The following MYO7A variants were observed in gnomAD, a reference collection of about 807,000 sequenced individuals.
MYO7A encodes the protein unconventional myosin-VIIa.
Under a neutral mutation model 263.8 loss-of-function variants are expected in MYO7A, and 210 were observed. The ratio of observed to expected loss-of-function variants is 0.80; its 90% CI spans 0.71 to 0.89. The LOEUF (loss-of-function observed/expected upper bound fraction) is 0.89, where lower values mean the gene tolerates loss of function less well. Among genes scored for constraint, MYO7A ranks in the 40% least tolerant of loss-of-function variants. MYO7A has a pLI of 0.00. For missense variants in MYO7A, 2,820 were observed against 2,968.3 expected (o/e 0.95, Z 1.16); for synonymous variants, 1,239 against 1,197.3 (o/e 1.03, Z -0.72).
Position 77,160,959 on chromosome 11 carries a change from T to G in MYO7A, c.1201-14T>G. The G allele has an allele frequency of 6.3e-7, 1 of 1,586,936 alleles. No individual in the cohort carries two copies. Among genetic ancestry groups the G allele is most frequent in the Non-Finnish European group, 8.6e-7 (1 of 1,168,006 alleles). ...GGGTGTGGCTGGTGCCAGTGGCTGA[T>G]CACTGCCTTTCAGGGGATCTACGGG... On this transcript the variant is annotated splice_polypyrimidine_tract_variant and intron_variant, in intron 11 of 48. Coordinates refer to ENST00000409709, the MANE Select transcript of MYO7A (RefSeq NM_000260.4).
Position 77,207,299 on chromosome 11 carries a change from T to C in MYO7A, c.5753T>C (p.Val1918Ala). ...FPDDTDEAFE[V>A]ESSTKAKDFC... is the part of the protein sequence containing the mutation. The stretch of plus-strand genomic sequence containing the variant: ...CACTGCCCCTCCCAGGCCTTCGAAG[T>C]GGAGTCCAGCACCAAGGCCAAGGAC... Residue 1918 changes from valine (V) to alanine (A), a missense_variant, in exon 42 of 49, where the codon GTG becomes GCG. By Grantham distance (64) the Val-to-Ala change is moderately conservative. Transcript: ENST00000409709. The C allele has an allele frequency of 6.2e-7, 1 of 1,610,686 alleles. No individual in the cohort carries two copies. Among genetic ancestry groups the C allele is most frequent in the Non-Finnish European group, 8.5e-7 (1 of 1,178,440 alleles).
intron 31 of MYO7A, among the ~76,000 whole-genome samples, chr11:77,193,547 A>AG (rs1424042719): frequency 6.6e-6 from 1 of 151,288 alleles, no homozygotes; most frequent in Non-Finnish European, 1.5e-5. Context: ...GTGATGGTGG[A>AG]GGTAGTGGTG....
intron 4 of MYO7A, among the ~76,000 whole-genome samples, chr11:77,153,829 G>A (rs539643973): frequency 3.9e-5 from 6 of 152,312 alleles, no homozygotes; most frequent in African/African-American, 1.2e-4. Context: ...AAATCTAGGG[G>A]CCTCCGTCAG....
chr11:77,178,929 G>T (rs1954913526), intron 19 of MYO7A, 116 bp from the exon 20 acceptor site: 2 of 770,142 alleles, frequency 2.6e-6, no homozygotes, highest in Non-Finnish European at 4.4e-6. Flanking sequence ...CTTGCCCAAG[G>T]TCATATAGCT....
Position 77,212,979 on chromosome 11 carries a change from A to G in MYO7A, c.6382A>G (p.Ile2128Val). The change falls in exon 47 of 49, where the codon ATC (isoleucine) becomes GTC (valine). Residue 2128 changes from isoleucine (I) to valine (V), a missense_variant. Coordinates refer to ENST00000409709, the MANE Select transcript of MYO7A (RefSeq NM_000260.4). The part of the protein sequence containing the change: ...KQTTEPNFPE[I>V]LLIAINKYGV... ...AACTACGGAGCCAAACTTCCCTGAG[A>G]TCCTCCTAATTGCCATCAACAAGTA... is the stretch of plus-strand genomic sequence containing the variant. 6.3e-7 allele frequency: 1 copy of G among 1,596,270 alleles called. No individual in the cohort carries two copies. Among genetic ancestry groups the G allele is most frequent in the Non-Finnish European group, 8.5e-7 (1 of 1,170,986 alleles).
intron 32 of MYO7A, among the ~76,000 whole-genome samples, chr11:77,194,763 C>T (rs954938634): frequency 6.6e-6 from 1 of 152,208 alleles, no homozygotes; most frequent in African/African-American, 2.4e-5. Context: ...GGGCCCCTTT[C>T]CTGGTCTTGT....
chr11:77,207,163 C>G, intron 41 of MYO7A, 126 bp from the exon 42 acceptor site: 1 of 631,854 alleles, frequency 1.6e-6, no homozygotes. Flanking sequence ...ATGCCCAGCT[C>G]TGTGCCCACA....
rs750416011 is a variant in MYO7A at position 77,202,417 on chromosome 11, T to C, written c.5161T>C (p.Tyr1721His). The change falls in exon 37 of 49, where the codon TAC (tyrosine) becomes CAC (histidine). Residue 1721 changes from tyrosine to histidine, a missense_variant. By Grantham distance (83) the Tyr-to-His change is moderately conservative. Coordinates refer to ENST00000409709, the MANE Select transcript of MYO7A (RefSeq NM_000260.4). Reference protein sequence around the residue: ...PYTLEEFSYDYFRPPPKHTLS... With the variant: ...PYTLEEFSYDHFRPPPKHTLS... The stretch of plus-strand genomic sequence containing the variant: ...CACGCTGGAGGAGTTTTCCTATGAC[T>C]ACTTCAGGTGATGCCTCCTGGGGAA... 12 of 1,551,636 alleles carry C rather than the reference T, an allele frequency of 7.7e-6. No homozygotes were observed. Among genetic ancestry groups the C allele is most frequent in the East Asian group, 4.9e-5 (2 of 40,978 alleles).
chr11:77,204,204 A>T lies in MYO7A; in HGVS notation c.5455A>T (p.Lys1819Ter). Residue 1819 changes from lysine to a stop codon, truncating the protein, a stop_gained, in exon 39 of 49, where the codon AAG (lysine) becomes TAG (stop). Transcript: ENST00000409709. LOFTEE classifies it high-confidence loss of function. ...GGACGAGGCATATGTGCAGATCCTG[A>T]AGCAGCTGACCGACAACCACATCAG... Reference protein sequence around the residue: ...LKDEAYVQILKQLTDNHIRYS... With the variant: ...LKDEAYVQIL 1 of 1,580,124 alleles carries T rather than the reference A, an allele frequency of 6.3e-7. No individual in the cohort carries two copies. The highest frequency in any genetic ancestry group is 8.6e-7 in the Non-Finnish European group (1 of 1,163,400).
chr11:77,148,974 G>A (rs1233832756), intron 4 of MYO7A, among the ~76,000 whole-genome samples: 1 of 152,210 alleles, frequency 6.6e-6, no homozygotes, highest in Non-Finnish European at 1.5e-5. Context: ...TCACAGATGT[G>A]TAGTTGGAAA....
intron 40 of MYO7A, 58 bp downstream of exon 40, chr11:77,205,675 G>C: frequency 6.2e-7 from 1 of 1,602,420 alleles, no homozygotes; most frequent in Non-Finnish European, 8.5e-7. Flanking sequence ...GCCACGCGGG[G>C]CTTGTGGGAT....
At chr11:77,149,333 T>C (rs897119861) in intron 4 of MYO7A, among the ~76,000 whole-genome samples, 5 of 151,226 alleles carry the variant, frequency 3.3e-5, no homozygotes, top group Admixed American at 6.6e-5. Context: ...TCTGCAGGAG[T>C]GATGTCACTC....
Position 77,162,996 on chromosome 11 carries a change from G to A in MYO7A, c.1690+8G>A. 6.2e-7 allele frequency: 1 copy of A among 1,613,474 alleles called. No homozygotes were observed. Among genetic ancestry groups the A allele is most frequent in the Non-Finnish European group, 8.5e-7 (1 of 1,179,590 alleles). ...TCTACTATGAGACCCAAGGTACAGA[G>A]GGCTGCCGGCTGTCTGTCACTCCCT... On this transcript the variant is annotated splice_region_variant and intron_variant, in intron 14 of 48. Coordinates refer to ENST00000409709, the MANE Select transcript of MYO7A (RefSeq NM_000260.4).
At chr11:77,198,439 A>C in intron 33 of MYO7A, 56 bp from the exon 34 acceptor site, 1 of 1,594,466 alleles carries the variant, frequency 6.3e-7, no homozygotes, top group Non-Finnish European at 8.6e-7. Flanking sequence ...TGAGATTGAG[A>C]AGGGCTGGGC....
At chr11:77,194,864 T>A (rs1273032373) in intron 32 of MYO7A, among the ~76,000 whole-genome samples, 1 of 152,134 alleles carries the variant, frequency 6.6e-6, no homozygotes, top group Non-Finnish European at 1.5e-5. Flanking sequence ...GTACCTCCTT[T>A]TTCCTAAAAG....
At chr11:77,184,254 C>T (rs782294210) in intron 26 of MYO7A, among the ~76,000 whole-genome samples, 7 of 152,100 alleles carry the variant, frequency 4.6e-5, no homozygotes, top group Non-Finnish European at 8.8e-5. Flanking sequence ...AGATAGGGGT[C>T]CCGCTTGGAG....
At chr11:77,166,028 A>G (rs936862398) in intron 14 of MYO7A, 28 bp from the exon 15 acceptor site, 14 of 1,564,126 alleles carry the variant, frequency 9.0e-6, no homozygotes, top group Non-Finnish European at 1.2e-5. Context: ...AGAGCTGGTG[A>G]GAGGTGACTG....
chr11:77,202,223 G>T lies in MYO7A; in HGVS notation c.5044-77G>T, dbSNP rs563465406. 1.2e-3 allele frequency: 1,826 copies of T among 1,478,124 alleles called. 2 individuals are homozygous for T. The highest frequency in any genetic ancestry group is 1.6e-3 in the Non-Finnish European group (1,749 of 1,104,396). 91.6% of individuals were successfully genotyped at this position (1,478,124 alleles called of 1,614,324 possible). On this transcript the variant is annotated intron_variant, in intron 36 of 48. Coordinates refer to ENST00000409709, the MANE Select transcript of MYO7A (RefSeq NM_000260.4). ...TGAAGAGTCTCCCAGAGTCCAGAAGGCTTCAGGGTATACCATGTTGATCCT... is the reference window on the plus strand; with the variant it reads ...TGAAGAGTCTCCCAGAGTCCAGAAGTCTTCAGGGTATACCATGTTGATCCT...
chr11:77,188,574 C>T (rs186947918), intron 27 of MYO7A, among the ~76,000 whole-genome samples: 3 of 150,424 alleles, frequency 2.0e-5, no homozygotes, highest in South Asian at 4.1e-4. Context: ...TGTCCTTGAA[C>T]AGGCAGGCTG....
Sources: gnomAD v4.1 joint callset for allele counts (sites outside exome capture counted in the v4.1 genomes callset) on GRCh38, gnomAD v4.1.1 for gene constraint, MANE v1.5 for transcripts, NCBI Gene and HGNC (gene_info 2026-07-23, HGNC 2026-07-21) for gene names.